The following TGIF2 variants were observed in gnomAD, a reference collection of about 807,000 sequenced individuals.
TGIF2 encodes TGFB induced factor homeobox 2.
In TGIF2, 5 loss-of-function variants were observed where a neutral mutation model predicts 15.1. That is an observed-to-expected ratio of 0.33 (90% CI 0.17 to 0.70). The LOEUF is 0.70. Among genes scored for constraint, TGIF2 ranks in the 30% least tolerant of loss-of-function variants. TGIF2 has a pLI of 0.67. For missense variants in TGIF2, 264 were observed against 302.5 expected (o/e 0.87, Z 0.94); for synonymous variants, 131 against 128.9 (o/e 1.02, Z -0.11).
At chr20:36,584,719 G>A (rs1286537987) in intron 2 of TGIF2, among the ~76,000 whole-genome samples, 1 of 151,806 alleles carries the variant, frequency 6.6e-6, no homozygotes, top group African/African-American at 2.4e-5. Context: ...GCTAATTTTT[G>A]TAGTTTTAGT....
chr20:36,587,817 C>T (rs1185817687), intron 2 of TGIF2, among the ~76,000 whole-genome samples: 1 of 152,128 alleles, frequency 6.6e-6, no homozygotes, highest in African/African-American at 2.4e-5. Flanking sequence ...GTAATCCCAA[C>T]ACTTTGGGAG....
chr20:36,584,297 C>T (rs2038607581), intron 2 of TGIF2, among the ~76,000 whole-genome samples: 1 of 152,166 alleles, frequency 6.6e-6, no homozygotes, highest in Admixed American at 6.5e-5. Flanking sequence ...ACTGTAATTG[C>T]TTTTAGACTG....
intron 1 of TGIF2, chr20:36,574,606 C>G (rs910289422): frequency 6.6e-6 from 1 of 152,220 alleles, no homozygotes; most frequent in African/African-American, 2.4e-5. Context: ...GGGGTGGGAA[C>G]CAAACTTTTT....
chr20:36,586,061 G>C (rs1306004346), intron 2 of TGIF2, among the ~76,000 whole-genome samples: 2 of 152,192 alleles, frequency 1.3e-5, no homozygotes. Context: ...TGTGGGGGAG[G>C]AGTGTCCTGG....
At chr20:36,575,556 T>C (rs2038411078) in intron 1 of TGIF2, among the ~76,000 whole-genome samples, 1 of 152,210 alleles carries the variant, frequency 6.6e-6, no homozygotes, top group Non-Finnish European at 1.5e-5. Flanking sequence ...TGGTGCTCTC[T>C]GAGGAGTGGC....
At chr20:36,576,712 C>CG (rs1258969338) in intron 1 of TGIF2, among the ~76,000 whole-genome samples, 2 of 151,754 alleles carry the variant, frequency 1.3e-5, no homozygotes, top group East Asian at 1.9e-4. Flanking sequence ...GACTTTTTTG[C>CG]GGGGGGATAG....
At chr20:36,574,974 G>T (rs1048795339) in intron 1 of TGIF2, 2 of 152,526 alleles carry the variant, frequency 1.3e-5, no homozygotes, top group African/African-American at 4.8e-5. Flanking sequence ...GTGTCGAGGG[G>T]TTGCTGCCAC....
chr20:36,582,933 T>G (rs2038575467), intron 2 of TGIF2, among the ~76,000 whole-genome samples: 1 of 152,136 alleles, frequency 6.6e-6, no homozygotes, highest in South Asian at 2.1e-4. Context: ...TTTCCTACCC[T>G]CATCTAAACC....
At chr20:36,574,281 G>A (rs946006527) in intron 1 of TGIF2, among the ~76,000 whole-genome samples, 2 of 152,004 alleles carry the variant, frequency 1.3e-5, no homozygotes, top group African/African-American at 4.8e-5. Flanking sequence ...GTCACTCCCA[G>A]GCTGGCCAAG....
At chr20:36,576,063 G>A (rs1006055633) in intron 1 of TGIF2, among the ~76,000 whole-genome samples, 1 of 151,474 alleles carries the variant, frequency 6.6e-6, no homozygotes, top group Admixed American at 6.6e-5. Context: ...CTGCACTCCA[G>A]CCTAGGCTAC....
At chr20:36,579,346 T>C (rs539296742) in intron 2 of TGIF2, among the ~76,000 whole-genome samples, 1 of 152,014 alleles carries the variant, frequency 6.6e-6, no homozygotes, top group East Asian at 1.9e-4. Context: ...TAATTTTTTG[T>C]ATTTTTAGTA....
At chr20:36,583,164 C>T (rs1018787395) in intron 2 of TGIF2, among the ~76,000 whole-genome samples, 1 of 151,890 alleles carries the variant, frequency 6.6e-6, no homozygotes, top group Non-Finnish European at 1.5e-5. Context: ...CCTGTAACCC[C>T]TGCTACTCAG....
At chr20:36,580,628 A>C (rs548618769) in intron 2 of TGIF2, among the ~76,000 whole-genome samples, 1 of 151,964 alleles carries the variant, frequency 6.6e-6, no homozygotes, top group African/African-American at 2.4e-5. Flanking sequence ...CCTGGGCAAC[A>C]TAGGGAGACC....
chr20:36,579,686 G>A (rs1353650747), intron 2 of TGIF2, among the ~76,000 whole-genome samples: 2 of 152,166 alleles, frequency 1.3e-5, no homozygotes, highest in East Asian at 3.8e-4. Context: ...GTCCAGGAAA[G>A]GGCAGAAGTC....
At chr20:36,576,833 T>C (rs984388775) in intron 1 of TGIF2, among the ~76,000 whole-genome samples, 2 of 151,948 alleles carry the variant, frequency 1.3e-5, no homozygotes, top group Non-Finnish European at 2.9e-5. Context: ...GCCCCCAGAG[T>C]AGCTGGGACC....
At chr20:36,575,953 G>A (rs1183019771) in intron 1 of TGIF2, among the ~76,000 whole-genome samples, 1 of 151,924 alleles carries the variant, frequency 6.6e-6, no homozygotes, top group Non-Finnish European at 1.5e-5. Flanking sequence ...ATAGCTAGAT[G>A]TGGTGGCACA....
chr20:36,573,507 C>G (rs1353160871), upstream of TGIF2: 1 of 146,214 alleles, frequency 6.8e-6, no homozygotes, highest in Admixed American at 6.8e-5. Flanking sequence ...GGGCGCAGCT[C>G]GTCGCGCTCC....
At chr20:36,580,224 C>CGTCTT (rs1569532171) in intron 2 of TGIF2, among the ~76,000 whole-genome samples, 1 of 152,204 alleles carries the variant, frequency 6.6e-6, no homozygotes, top group Non-Finnish European at 1.5e-5. Flanking sequence ...GAACCTCCCA[C>CGTCTT]GTCTTCCTAG....
intron 1 of TGIF2, among the ~76,000 whole-genome samples, chr20:36,577,737 ATCTCTTGACC>A: frequency 6.9e-6 from 1 of 145,532 alleles, no homozygotes; most frequent in East Asian, 2.1e-4. Flanking sequence ...GATGGTCTCA[ATCTCTTGACC>A]TCGTGATCTG....
Sources: gnomAD v4.1 joint callset for allele counts (sites outside exome capture counted in the v4.1 genomes callset) on GRCh38, gnomAD v4.1.1 for gene constraint, MANE v1.5 for transcripts, NCBI Gene and HGNC (gene_info 2026-07-23, HGNC 2026-07-21) for gene names.